GOLM1: variants seen among roughly 807,000 people sequenced by gnomAD.
GOLM1 encodes the protein golgi membrane protein 1.
GOLM1 carries 31 observed loss-of-function variants against 50.5 expected under a neutral mutation model. The observed-to-expected ratio is 0.61, with a 90% CI of 0.46 to 0.83. The LOEUF (loss-of-function observed/expected upper bound fraction) is 0.83. GOLM1 is among the 40% of genes least tolerant of loss of function. GOLM1 has a pLI of 0.00. For synonymous variants in GOLM1, 178 were observed against 192.8 expected, an observed-to-expected ratio of 0.92 and a Z score of 0.64; for missense variants, 491 against 501.3, an observed-to-expected ratio of 0.98 and a Z score of 0.20.
At chr9:86,075,311 C>T (rs566871292) in intron 3 of GOLM1, among the ~76,000 whole-genome samples, 1 of 152,340 alleles carries the variant, frequency 6.6e-6, no homozygotes, top group South Asian at 2.1e-4. Flanking sequence ...ACATTATCAC[C>T]GCTGCTGCGG....
At chr9:86,093,755 A>G (rs1167804699) in intron 1 of GOLM1, among the ~76,000 whole-genome samples, 2 of 152,248 alleles carry the variant, frequency 1.3e-5, no homozygotes, top group Non-Finnish European at 2.9e-5. Context: ...ATGAAAATGG[A>G]CAACATGCCA....
Position 86,077,568 on chromosome 9 carries a change from G to GC in GOLM1, c.152dup (p.Arg52GlnfsTer31). On this transcript the variant is annotated frameshift_variant, in exon 3 of 10. Coordinates refer to ENST00000388712, the MANE Select transcript of GOLM1 (RefSeq NM_016548.4). LOFTEE classifies it high-confidence loss of function. The stretch of plus-strand genomic sequence containing the variant: ...TCTCTGCAGCCGCCCTGCGGACCCT[G>GC]CCTTCCAGCTCCATGATCCGTGTCT... 1 of 1,613,320 alleles carries GC rather than the reference G, an allele frequency of 6.2e-7. No individual in the cohort carries two copies. The highest frequency in any genetic ancestry group is 8.5e-7 in the Non-Finnish European group (1 of 1,179,356).
rs541435925 is a variant in GOLM1 at position 86,087,516 on chromosome 9, G to C, written c.-21-8175C>G. Among the ~76,000 whole-genome samples, 3 of 152,258 alleles carry C rather than the reference G, an allele frequency of 2.0e-5. 1 individual carries two copies. The highest frequency in any genetic ancestry group is 2.0e-4 in the Admixed American group (3 of 15,296). On this transcript the variant is annotated intron_variant, in intron 1 of 9. Coordinates refer to ENST00000388712, the MANE Select transcript of GOLM1 (RefSeq NM_016548.4). ...ATGAGAGAGGACATCCTTGTCTTGT[G>C]GCAGTTTTCAAAGGGAATGCCTCCA...
chr9:86,053,669 ACGG>A (rs1833884236), intron 3 of GOLM1, among the ~76,000 whole-genome samples: 4 of 35,316 alleles, frequency 1.1e-4, no homozygotes, highest in Non-Finnish European at 1.8e-4. Context: ...CACTCCACAC[ACGG>A]CACACCACTC....
At chr9:86,044,269 A>C (rs952351356) in intron 5 of GOLM1, among the ~76,000 whole-genome samples, 33 of 152,240 alleles carry the variant, frequency 2.2e-4, no homozygotes, top group Admixed American at 1.5e-3. Context: ...TCCACACACA[A>C]GTGACAATCA....
At chr9:86,082,448 A>C (rs1000896367) in intron 1 of GOLM1, among the ~76,000 whole-genome samples, 8 of 148,956 alleles carry the variant, frequency 5.4e-5, no homozygotes, top group African/African-American at 7.5e-5. Context: ...TCTGTCACCC[A>C]GGCTGAAATA....
intron 3 of GOLM1, 128 bp downstream of exon 3, chr9:86,077,284 A>G (rs1834646204): frequency 2.6e-6 from 2 of 756,002 alleles, no homozygotes; most frequent in African/African-American, 1.7e-5. Flanking sequence ...AGCTTGATCA[A>G]TAGGCTCTTT....
At chr9:86,044,839 C>T (rs1375579161) in intron 5 of GOLM1, among the ~76,000 whole-genome samples, 3 of 151,960 alleles carry the variant, frequency 2.0e-5, no homozygotes, top group African/African-American at 7.3e-5. Context: ...ATAATCCCAG[C>T]TACTCGGGAG....
chr9:86,043,336 C>G (rs1833422848), intron 5 of GOLM1, among the ~76,000 whole-genome samples: 1 of 152,196 alleles, frequency 6.6e-6, no homozygotes. Flanking sequence ...GGAAAGAACA[C>G]TACCTTGTAC....
chr9:86,031,449 GTTTTTTT>G (rs774806772), intron 9 of GOLM1, among the ~76,000 whole-genome samples: 1 of 79,498 alleles, frequency 1.3e-5, no homozygotes, highest in African/African-American at 4.5e-5. Context: ...TACCACTGAG[GTTTTTTT>G]TTTTTTTTTT....
chr9:86,050,496 CT>C (rs905040753), intron 4 of GOLM1, among the ~76,000 whole-genome samples: 5 of 151,996 alleles, frequency 3.3e-5, no homozygotes, highest in African/African-American at 1.2e-4. Context: ...TGGTCCTGGA[CT>C]TTTTTTGGTT....
chr9:86,091,626 A>G (rs1265711440), intron 1 of GOLM1, among the ~76,000 whole-genome samples: 2 of 152,164 alleles, frequency 1.3e-5, no homozygotes, highest in Non-Finnish European at 2.9e-5. Flanking sequence ...TGGTACAATC[A>G]TGGCTCACTG....
At position 86,040,732 on chromosome 9, in the gene GOLM1, CA is replaced by C. The variant is rs1157736875; in HGVS notation, c.597+6del. ...CTAGAAACTCTTGGCAAAAATTCCC[CA>C]GTTACCTGCTGTCTCTGGTCGTTGT... On this transcript the variant is annotated splice_donor_region_variant and intron_variant, in intron 6 of 9. Coordinates refer to ENST00000388712, the MANE Select transcript of GOLM1 (RefSeq NM_016548.4). 1.7e-5 allele frequency: 27 copies of C among 1,605,994 alleles called. No individual in the cohort carries two copies. Among genetic ancestry groups the C allele is most frequent in the Non-Finnish European group, 2.2e-5 (26 of 1,177,920 alleles).
At position 86,088,420 on chromosome 9, in the gene GOLM1, G is replaced by GTGTATATATA. The variant is rs1157260470; in HGVS notation, c.-21-9080_-21-9079insTATATATACA. Among the ~76,000 whole-genome samples, 47 of 86,302 alleles carry GTGTATATATA rather than the reference G, an allele frequency of 5.4e-4. 1 individual carries two copies. The highest frequency in any genetic ancestry group is 2.4e-3 in the African/African-American group (41 of 17,418). 56.6% of individuals were successfully genotyped at this position (86,302 alleles called of 152,430 possible). ...TGGATTCGTTGTTTTTTTGAAGGGT[G>GTGTATATATA]TATATATATATATATATATATATAT... On this transcript the variant is annotated intron_variant, in intron 1 of 9. Transcript: ENST00000388712.
chr9:86,039,333 C>A (rs1357168315), intron 6 of GOLM1, among the ~76,000 whole-genome samples: 2 of 152,080 alleles, frequency 1.3e-5, no homozygotes, highest in Non-Finnish European at 2.9e-5. Context: ...GAAACTGGAG[C>A]CCTCATAAAC....
In GOLM1 at chr9:86,027,482, A is replaced by C; in HGVS notation, c.*335T>G. ...ATGGACTCTTCTATAGGTGGCTGTTAATTTACACAAAGTTATATTCCAGAA... is the reference window on the plus strand; with the variant it reads ...ATGGACTCTTCTATAGGTGGCTGTTCATTTACACAAAGTTATATTCCAGAA... On this transcript the variant is annotated 3_prime_UTR_variant, in exon 10 of 10. Transcript: ENST00000388712. 2 of 1,102,118 alleles carry C rather than the reference A, an allele frequency of 1.8e-6. No individual in the cohort carries two copies. Among genetic ancestry groups the C allele is most frequent in the Non-Finnish European group, 2.2e-6 (2 of 903,816 alleles). 68.3% of individuals were successfully genotyped at this position (1,102,118 alleles called of 1,614,324 possible).
Position 86,027,539 on chromosome 9 carries a change from G to A in GOLM1, c.*278C>T. On this transcript the variant is annotated 3_prime_UTR_variant, in exon 10 of 10. Transcript: ENST00000388712. ...AGCCCCGCTGTCGCCAACACTTGAA[G>A]GAGAACTATGTTCCAGTTTTGGTGT... is the stretch of plus-strand genomic sequence containing the variant. The A allele has an allele frequency of 8.1e-7, 1 of 1,228,490 alleles. No individual in the cohort carries two copies. Among genetic ancestry groups the A allele is most frequent in the Non-Finnish European group, 1.0e-6 (1 of 982,618 alleles). The allele number at this position is 1,228,490 out of a possible 1,614,324, so 76.1% of individuals were successfully genotyped here.
chr9:86,082,290 T>G lies in GOLM1; in HGVS notation c.-21-2949A>C, dbSNP rs186491218. 2.3e-3 allele frequency among the ~76,000 whole-genome samples: 350 copies of G among 152,106 alleles called. 1 individual carries two copies. The highest frequency in any genetic ancestry group is 8.2e-3 in the African/African-American group (340 of 41,520). ...ATCCGCCCGCCTCGGCCTCCCAAAG[T>G]GCTGGGATTACAGGCATGAGCCACC... On this transcript the variant is annotated intron_variant, in intron 1 of 9. Transcript: ENST00000388712.
Position 86,073,820 on chromosome 9 carries a change from A to G in GOLM1, c.309+3592T>C, listed in dbSNP as rs1170102380. On this transcript the variant is annotated intron_variant, in intron 3 of 9. Coordinates refer to ENST00000388712, the MANE Select transcript of GOLM1 (RefSeq NM_016548.4). ...AAATAAAATTCAGTTCTTCAGTCCC[A>G]CTAGCCACATTTCAGGTATTCATTA... 2.0e-5 allele frequency among the ~76,000 whole-genome samples: 3 copies of G among 152,234 alleles called. No homozygotes were observed. The East Asian group carries it at 5.8e-4, about 29-fold the overall frequency.
Sources: allele counts gnomAD v4.1 joint callset (sites outside exome capture counted in the v4.1 genomes callset), GRCh38; gene constraint gnomAD v4.1.1; transcripts MANE v1.5; gene names NCBI Gene and HGNC (gene_info 2026-07-23, HGNC 2026-07-21).